The following LRRK1 variants were observed in gnomAD, a reference collection of about 807,000 sequenced individuals.
The protein encoded by LRRK1 is leucine rich repeat kinase 1.
In LRRK1, 113 loss-of-function variants were observed where a neutral mutation model predicts 209.1. The observed-to-expected ratio is 0.54, with a 90% confidence interval of 0.46 to 0.63. LRRK1 has a LOEUF of 0.63. LRRK1 is among the 30% of genes least tolerant of loss of function. The pLI, the probability that LRRK1 is intolerant of heterozygous loss-of-function variation, is 0.00. For synonymous variants in LRRK1, 1,144 were observed against 1,099.7 expected (o/e 1.04, Z -0.80); for missense variants, 2,284 against 2,632.2 (o/e 0.87, Z 2.89).
At chr15:101,031,857 C>T (rs576191885) in intron 20 of LRRK1, among the ~76,000 whole-genome samples, 2 of 152,246 alleles carry the variant, frequency 1.3e-5, no homozygotes, top group South Asian at 4.1e-4. Flanking sequence ...GCCTCAGCCT[C>T]CAAAGTAGCT....
rs145470883 is a variant in LRRK1, at chr15:100,995,052, G to A, written c.762+5654G>A. ...GCCTTTGGCACTGCTGGCACTCATG[G>A]CTGTGACCTTGTTGAAGTAACGGTC... On this transcript the variant is annotated intron_variant, in intron 6 of 33. Coordinates refer to ENST00000388948, the MANE Select transcript of LRRK1 (RefSeq NM_024652.6). 2.6e-5 allele frequency among the ~76,000 whole-genome samples: 4 copies of A among 152,318 alleles called. No homozygotes were observed. The East Asian group carries it at 5.8e-4, about 22-fold the overall frequency.
intron 3 of LRRK1, among the ~76,000 whole-genome samples, chr15:100,981,808 T>C (rs2031616823): frequency 1.3e-5 from 2 of 152,248 alleles, no homozygotes; most frequent in Non-Finnish European, 1.5e-5. Flanking sequence ...AGAGCTTTGA[T>C]AAATGTTCAC....
At chr15:101,008,361 G>A (rs1016171847) in intron 6 of LRRK1, among the ~76,000 whole-genome samples, 1 of 152,110 alleles carries the variant, frequency 6.6e-6, no homozygotes, top group African/African-American at 2.4e-5. Flanking sequence ...ACCCTGGCGC[G>A]GTGCGGGCAG....
chr15:100,966,183 C>T (rs1456035440), intron 2 of LRRK1, among the ~76,000 whole-genome samples: 1 of 152,110 alleles, frequency 6.6e-6, no homozygotes, highest in East Asian at 1.9e-4. Flanking sequence ...AAATACAAAA[C>T]AATAGTATTT....
rs2033940699 is a variant in LRRK1 at position 101,024,664 on chromosome 15, TAG to T, written c.2068-136_2068-135del. On this transcript the variant is annotated intron_variant, in intron 15 of 33. Coordinates refer to ENST00000388948, the MANE Select transcript of LRRK1 (RefSeq NM_024652.6). The surrounding 1 kb of genome is among the most constrained non-coding windows in gnomAD (Gnocchi z 4.6). Reference sequence around the variant, plus strand: ...CAGATAACTGTTTCCTAAGAAACAATAGAGTGTCCAGAACTTTTCCACGGTTG... The same window carrying T: ...CAGATAACTGTTTCCTAAGAAACAATAGTGTCCAGAACTTTTCCACGGTTG... The T allele has an allele frequency of 6.7e-6, 6 of 896,314 alleles. No homozygotes were observed. The South Asian group carries it at 6.9e-5, about 10-fold the overall frequency. 55.5% of individuals were successfully genotyped at this position (896,314 alleles called of 1,614,324 possible).
rs1474692076 is a variant in LRRK1 at position 101,024,685 on chromosome 15, A to C, written c.2068-118A>C. ...ACAATAGAGTGTCCAGAACTTTTCC[A>C]CGGTTGTTTTTTCAGACCCCCGAGT... On this transcript the variant is annotated intron_variant, in intron 15 of 33. Coordinates refer to ENST00000388948, the MANE Select transcript of LRRK1 (RefSeq NM_024652.6). This position sits in a 1 kb window ranked among gnomAD's most constrained non-coding sequence, Gnocchi z 4.6. 1.8e-6 allele frequency: 2 copies of C among 1,107,524 alleles called. No individual in the cohort carries two copies. The highest frequency in any genetic ancestry group is 3.1e-5 in the African/African-American group (2 of 63,950). 68.6% of individuals were successfully genotyped at this position (1,107,524 alleles called of 1,614,324 possible). A position where few individuals can be genotyped will look rare whatever the true frequency, so the allele number is the denominator to read the frequency against.
At chr15:100,965,154 C>G (rs1307814835) in intron 2 of LRRK1, among the ~76,000 whole-genome samples, 3 of 152,034 alleles carry the variant, frequency 2.0e-5, no homozygotes, top group Non-Finnish European at 4.4e-5. Flanking sequence ...ATTACTCTTT[C>G]AGAATACTGA....
intron 2 of LRRK1, among the ~76,000 whole-genome samples, chr15:100,945,267 C>G (rs1192556103): frequency 1.3e-5 from 2 of 152,024 alleles, no homozygotes; most frequent in African/African-American, 4.8e-5. Flanking sequence ...CTGTTTATGC[C>G]CCAATCCCTG....
chr15:100,956,999 C>T (rs118117772), intron 2 of LRRK1, among the ~76,000 whole-genome samples: 37 of 152,188 alleles, frequency 2.4e-4, no homozygotes, highest in South Asian at 2.1e-3. Flanking sequence ...GTTTCCTTTT[C>T]GACTTGTCTG....
At chr15:100,924,449 T>G in intron 1 of LRRK1, 62 bp from the exon 2 acceptor site, 1 of 589,476 alleles carries the variant, frequency 1.7e-6, no homozygotes, top group Non-Finnish European at 3.1e-6. Context: ...CATGCAAATA[T>G]TTGCAGGGGA....
At position 101,022,129 on chromosome 15, in the gene LRRK1, A is replaced by C. The variant is rs1317756720; in HGVS notation, c.1852+172A>C. Among the ~76,000 whole-genome samples the C allele has an allele frequency of 6.6e-6, 1 of 152,180 alleles. No individual in the cohort carries two copies. The highest frequency in any genetic ancestry group is 6.5e-5 in the Admixed American group (1 of 15,282). On this transcript the variant is annotated intron_variant, in intron 14 of 33. Transcript: ENST00000388948. The surrounding 1 kb of genome is among the most constrained non-coding windows in gnomAD (Gnocchi z 4.0). ...CCTAAAGCAATCGTTACTGAGGGTC[A>C]CTATACTGAGAAGGACCAGGTGATA...
At chr15:100,944,765 A>G (rs1362143415) in intron 2 of LRRK1, among the ~76,000 whole-genome samples, 1 of 152,216 alleles carries the variant, frequency 6.6e-6, no homozygotes, top group Non-Finnish European at 1.5e-5. Context: ...ACATGACCTC[A>G]TATTTGTTCC....
At chr15:100,934,955 G>T (rs1375838156) in intron 2 of LRRK1, among the ~76,000 whole-genome samples, 1 of 152,176 alleles carries the variant, frequency 6.6e-6, no homozygotes, top group East Asian at 1.9e-4. Context: ...GGTCTGCTCA[G>T]TTGACCAGAA....
In LRRK1 at chr15:101,070,952, G is replaced by C. The variant is rs1289490394; in HGVS notation, c.*2104G>C. On this transcript the variant is annotated 3_prime_UTR_variant, in exon 34 of 34. Coordinates refer to ENST00000388948, the MANE Select transcript of LRRK1 (RefSeq NM_024652.6). ...AGACCTCACTTATCTTCATTACAGA[G>C]AGTTCGTAATGTCAATAAGAAACAG... 6.6e-6 allele frequency: 1 copy of C among 152,096 alleles called. No homozygotes were observed. The highest frequency in any genetic ancestry group is 2.4e-5 in the African/African-American group (1 of 41,410). The allele number at this position is 152,096 out of a possible 1,614,324, so 9.4% of individuals were successfully genotyped here.
chr15:100,941,300 CTATGTG>C (rs1254637423), intron 2 of LRRK1, among the ~76,000 whole-genome samples: 1 of 48,002 alleles, frequency 2.1e-5, no homozygotes, highest in African/African-American at 1.9e-4. Context: ...CTGTGTGTGT[CTATGTG>C]TGTGTGTCTG....
At chr15:100,961,268 C>T (rs774074268) in intron 2 of LRRK1, among the ~76,000 whole-genome samples, 3 of 152,168 alleles carry the variant, frequency 2.0e-5, no homozygotes, top group African/African-American at 7.2e-5. Flanking sequence ...GTGACCTTAT[C>T]CAATCTTGAT....
chr15:100,926,396 C>T (rs1207394230), intron 2 of LRRK1, among the ~76,000 whole-genome samples: 2 of 152,042 alleles, frequency 1.3e-5, no homozygotes, highest in South Asian at 2.1e-4. Flanking sequence ...GGGACAGGGA[C>T]CTTGGGTCTG....
intron 11 of LRRK1, 140 bp downstream of exon 11, chr15:101,014,568 C>G (rs920570587): frequency 9.0e-6 from 6 of 666,984 alleles, no homozygotes; most frequent in Non-Finnish European, 1.6e-5. Context: ...AAATCACTGC[C>G]TCACAGCCCT....
intron 1 of LRRK1, among the ~76,000 whole-genome samples, chr15:100,920,452 A>C (rs1184432255): frequency 6.6e-6 from 1 of 152,206 alleles, no homozygotes; most frequent in Non-Finnish European, 1.5e-5. Flanking sequence ...GTCCTGAAAG[A>C]GAAAATAATA....
Sources: allele counts gnomAD v4.1 joint callset (sites outside exome capture counted in the v4.1 genomes callset), GRCh38; gene constraint gnomAD v4.1.1; non-coding constraint Gnocchi (gnomAD v3.1); transcripts MANE v1.5; gene names NCBI Gene and HGNC (gene_info 2026-07-23, HGNC 2026-07-21).